ENTREP2: variants seen among roughly 807,000 people sequenced by gnomAD.
The protein encoded by ENTREP2 is protein ENTREP2.
the ENTREP2 span, among the ~76,000 whole-genome samples, chr15:29,478,020 T>TATATATATA: frequency 5.6e-4 from 21 of 37,814 alleles, no homozygotes; most frequent in African/African-American, 3.8e-3. Flanking sequence ...TATATATATA[T>TATATATATA]TTTTTTTTTT....
chr15:29,635,290 G>A, the ENTREP2 span, among the ~76,000 whole-genome samples: 1 of 152,172 alleles, frequency 6.6e-6, no homozygotes, highest in Non-Finnish European at 1.5e-5. Context: ...AACCTTCCTA[G>A]GTGCTGCCAG....
the ENTREP2 span, among the ~76,000 whole-genome samples, chr15:29,325,705 C>A: frequency 2.0e-5 from 3 of 152,142 alleles, no homozygotes; most frequent in African/African-American, 7.2e-5. Flanking sequence ...TCTGCAATTT[C>A]TTCTACAAAA....
chr15:29,223,861 G>C, the ENTREP2 span, among the ~76,000 whole-genome samples: 4 of 152,166 alleles, frequency 2.6e-5, no homozygotes, highest in African/African-American at 9.7e-5. Context: ...TCTCTGGAGA[G>C]GGCTCAGCTG....
At chr15:29,656,870 CTCA>C in the ENTREP2 span, among the ~76,000 whole-genome samples, 22 of 152,190 alleles carry the variant, frequency 1.4e-4, no homozygotes, top group Admixed American at 2.6e-4. Context: ...GAACTGAAAA[CTCA>C]TCTTCACACA....
chr15:29,462,167 T>C, the ENTREP2 span, among the ~76,000 whole-genome samples: 2 of 152,150 alleles, frequency 1.3e-5, no homozygotes, highest in Non-Finnish European at 2.9e-5. Flanking sequence ...GACGCTTGGG[T>C]TGCTTCCATG....
the ENTREP2 span, among the ~76,000 whole-genome samples, chr15:29,311,425 C>T: frequency 2.0e-5 from 3 of 152,302 alleles, no homozygotes; most frequent in African/African-American, 4.8e-5. Context: ...TATGGTGGCT[C>T]ACACGGGTAA....
chr15:29,405,392 A>T, the ENTREP2 span, among the ~76,000 whole-genome samples: 1 of 138,104 alleles, frequency 7.2e-6, no homozygotes, highest in Non-Finnish European at 1.5e-5. Context: ...CCGTCTCCAG[A>T]AAAAAAAAAA....
the ENTREP2 span, among the ~76,000 whole-genome samples, chr15:29,320,074 C>G: frequency 5.3e-5 from 8 of 152,158 alleles, no homozygotes; most frequent in Admixed American, 4.6e-4. Flanking sequence ...TTTCCTGACC[C>G]CATGCCCGTG....
At chr15:29,118,284 T>TATC in the ENTREP2 span, 19 of 152,606 alleles carry the variant, frequency 1.2e-4, no homozygotes, top group Admixed American at 1.2e-3. Context: ...ACTTCGCGCA[T>TATC]ATCACTAATA....
At chr15:29,433,715 C>G in the ENTREP2 span, among the ~76,000 whole-genome samples, 1 of 151,312 alleles carries the variant, frequency 6.6e-6, no homozygotes, top group Non-Finnish European at 1.5e-5. Context: ...GACCCCTTCT[C>G]TGCTACTGGC....
At chr15:29,607,731 A>G in the ENTREP2 span, among the ~76,000 whole-genome samples, 1 of 152,264 alleles carries the variant, frequency 6.6e-6, no homozygotes, top group East Asian at 1.9e-4. Context: ...TTCATGTGAA[A>G]TCAAGTTTTC....
chr15:29,294,083 G>T, the ENTREP2 span, among the ~76,000 whole-genome samples: 7 of 152,314 alleles, frequency 4.6e-5, no homozygotes, highest in South Asian at 1.4e-3. Context: ...TAGGTCTGGT[G>T]CTCAGAAGCA....
chr15:29,401,870 C>T, the ENTREP2 span, among the ~76,000 whole-genome samples: 1 of 152,152 alleles, frequency 6.6e-6, no homozygotes, highest in African/African-American at 2.4e-5. Context: ...AAGCAAGACA[C>T]AGCCCAGTGT....
At chr15:29,617,236 G>A in the ENTREP2 span, among the ~76,000 whole-genome samples, 5 of 152,178 alleles carry the variant, frequency 3.3e-5, no homozygotes, top group African/African-American at 1.2e-4. Flanking sequence ...AGCTTATGGT[G>A]TAAGTCCTGG....
At chr15:29,545,864 A>C in the ENTREP2 span, among the ~76,000 whole-genome samples, 390 of 152,346 alleles carry the variant, frequency 2.6e-3, no homozygotes, top group Non-Finnish European at 4.7e-3. Context: ...AATAAACACT[A>C]AGCAATGTTT....
the ENTREP2 span, among the ~76,000 whole-genome samples, chr15:29,369,592 A>AACAC: frequency 0.022 from 3,244 of 149,450 alleles, 123 homozygotes; most frequent in African/African-American, 0.077. Flanking sequence ...GCTGAAATTA[A>AACAC]ACACACACAC....
At chr15:29,567,984 C>T in the ENTREP2 span, among the ~76,000 whole-genome samples, 26 of 152,268 alleles carry the variant, frequency 1.7e-4, no homozygotes, top group Middle Eastern at 0.014. Flanking sequence ...TCTTAAATGA[C>T]GAACAACCTT....
At chr15:29,333,348 A>G in the ENTREP2 span, among the ~76,000 whole-genome samples, 1 of 152,192 alleles carries the variant, frequency 6.6e-6, no homozygotes, top group African/African-American at 2.4e-5. Context: ...TGAAGGCCTT[A>G]GAAGGGCCTG....
the ENTREP2 span, among the ~76,000 whole-genome samples, chr15:29,626,827 T>C: frequency 6.6e-6 from 1 of 152,140 alleles, no homozygotes; most frequent in Non-Finnish European, 1.5e-5. Flanking sequence ...GAGGTTCCCC[T>C]TCATACCTAG....
Sources: allele counts gnomAD v4.1 joint callset (sites outside exome capture counted in the v4.1 genomes callset), GRCh38; gene constraint gnomAD v4.1.1; transcripts MANE v1.5; gene names NCBI Gene and HGNC (gene_info 2026-07-23, HGNC 2026-07-21).